SCN9A: variants seen among roughly 807,000 people sequenced by gnomAD.
SCN9A encodes sodium voltage-gated channel alpha subunit 9.
A neutral mutation model predicts 187.0 loss-of-function variants in SCN9A; 131 were observed. The observed-to-expected ratio is 0.70, with a 90% CI of 0.61 to 0.81. The LOEUF (loss-of-function observed/expected upper bound fraction) is 0.81, where lower values mean the gene tolerates loss of function less well. Among genes scored for constraint, SCN9A ranks in the 30% least tolerant of loss-of-function variants. The pLI is 0.00. For synonymous variants in SCN9A, 809 were observed against 808.6 expected, an observed-to-expected ratio of 1.00 and a Z score of -0.01; for missense variants, 2,252 against 2,396.6, an observed-to-expected ratio of 0.94 and a Z score of 1.26.
In SCN9A at chr2:166,198,904, A is replaced by G; in HGVS notation, c.5735T>C (p.Ile1912Thr). The G allele has an allele frequency of 6.2e-7, 1 of 1,613,760 alleles. No homozygotes were observed. The highest frequency in any genetic ancestry group is 8.5e-7 in the Non-Finnish European group (1 of 1,179,718). The change falls in exon 27 of 27, where the codon ATA becomes ACA. Residue 1912 changes from isoleucine (I) to threonine (T), a missense_variant. By Grantham distance (89) the Ile-to-Thr change is moderately conservative. Coordinates refer to ENST00000642356, the MANE Select transcript of SCN9A (RefSeq NM_001365536.1). ...TCCATCTTTTATGTATATACTTGAT[A>G]TATTTTTGACATTTTGCCTTAAGCG... The part of the protein sequence containing the change: ...RYRLRQNVKN[I>T]SSIYIKDGDR...
At chr2:166,262,924 A>T (rs1451699000) in intron 17 of SCN9A, among the ~76,000 whole-genome samples, 10 of 151,918 alleles carry the variant, frequency 6.6e-5, no homozygotes, top group Admixed American at 6.6e-4. Flanking sequence ...CATGAAGTAG[A>T]TGCTCTAAGG....
rs200433685 is a variant in SCN9A, at chr2:166,243,258, CT to C, written c.3473-603del. Among the ~76,000 whole-genome samples, 985 of 152,128 alleles carry C rather than the reference CT, an allele frequency of 6.5e-3. 6 individuals carry two copies. Among genetic ancestry groups the C allele is most frequent in the Non-Finnish European group, 0.01 (711 of 67,980 alleles). ...CTGCTACAAAAAATTGAAAATTGTA[CT>C]TAAAAATGGTTAGGTTTATTCATTC... On this transcript the variant is annotated intron_variant, in intron 18 of 26. Transcript: ENST00000642356.
At chr2:166,207,876 A>G (rs1324095229) in intron 24 of SCN9A, among the ~76,000 whole-genome samples, 1 of 152,198 alleles carries the variant, frequency 6.6e-6, no homozygotes, top group African/African-American at 2.4e-5. Context: ...CAGATCCTTT[A>G]CTGTTCATTA....
chr2:166,276,573 G>C (rs1389420348), intron 16 of SCN9A: 1 of 154,504 alleles, frequency 6.5e-6, no homozygotes. Context: ...CCTTGCTATA[G>C]AGGCTAGTCT....
At chr2:166,200,171 G>T (rs1693436466) in intron 26 of SCN9A, among the ~76,000 whole-genome samples, 2 of 148,112 alleles carry the variant, frequency 1.4e-5, no homozygotes, top group African/African-American at 2.5e-5. Context: ...CTAATTTTTT[G>T]TATTTTTAGT....
chr2:166,209,433 GA>G (rs1182026212), intron 24 of SCN9A, among the ~76,000 whole-genome samples: 4 of 152,086 alleles, frequency 2.6e-5, no homozygotes, highest in Non-Finnish European at 5.9e-5. Flanking sequence ...ACAAAATCAG[GA>G]AGATGATACA....
chr2:166,268,608 CA>C, intron 17 of SCN9A, among the ~76,000 whole-genome samples: 1 of 151,790 alleles, frequency 6.6e-6, no homozygotes, highest in Non-Finnish European at 1.5e-5. Context: ...GAAAACAAAA[CA>C]AAACAAAAAT....
chr2:166,327,938 CTG>C (rs1699405064), intron 1 of SCN9A, among the ~76,000 whole-genome samples: 1 of 152,166 alleles, frequency 6.6e-6, no homozygotes, highest in African/African-American at 2.4e-5. Flanking sequence ...GTACACTCAT[CTG>C]TGTCACAATT....
At chr2:166,353,773 C>A (rs1375254493) in intron 1 of SCN9A, among the ~76,000 whole-genome samples, 3 of 152,236 alleles carry the variant, frequency 2.0e-5, no homozygotes, top group East Asian at 3.9e-4. Flanking sequence ...CCCCTAAATG[C>A]GGATTTTTAT....
chr2:166,285,630 T>C (rs6722507), intron 11 of SCN9A, among the ~76,000 whole-genome samples: 61,469 of 151,706 alleles, frequency 0.41, 12,612 homozygotes, highest in African/African-American at 0.47. Flanking sequence ...TTACTGTGTA[T>C]ATCAGGAGAA....
intron 24 of SCN9A, among the ~76,000 whole-genome samples, chr2:166,220,293 C>G (rs980548705): frequency 2.6e-5 from 4 of 152,156 alleles, no homozygotes; most frequent in Non-Finnish European, 5.9e-5. Flanking sequence ...GGTTTGTCCC[C>G]TCCAAAGCTC....
chr2:166,296,238 T>G (rs1324840584), intron 7 of SCN9A: 1 of 134,334 alleles, frequency 7.4e-6, no homozygotes, highest in Non-Finnish European at 1.7e-5. Context: ...GGATATTGCA[T>G]GTAAACCACT....
chr2:166,222,972 A>AAAAAAAAAAAAAAAAAAAAAAC (rs1694683935), intron 24 of SCN9A, among the ~76,000 whole-genome samples: 1 of 133,344 alleles, frequency 7.5e-6, no homozygotes, highest in Non-Finnish European at 1.6e-5. Flanking sequence ...AAAAAAAAAA[A>AAAAAAAAAAAAAAAAAAAAAAC]CAGCAACAAA....
intron 9 of SCN9A, among the ~76,000 whole-genome samples, chr2:166,289,578 T>C (rs902750545): frequency 6.6e-6 from 1 of 152,194 alleles, no homozygotes; most frequent in Non-Finnish European, 1.5e-5. Context: ...TTATCCAGTC[T>C]ATCATTGATG....
At chr2:166,297,145 C>G (rs978223332) in intron 7 of SCN9A, among the ~76,000 whole-genome samples, 3 of 125,802 alleles carry the variant, frequency 2.4e-5, no homozygotes, top group Admixed American at 1.1e-4. Flanking sequence ...TACAGTGAGC[C>G]GAGATAGCGA....
At chr2:166,292,145 T>C (rs1362371588) in intron 9 of SCN9A, among the ~76,000 whole-genome samples, 1 of 152,092 alleles carries the variant, frequency 6.6e-6, no homozygotes, top group Non-Finnish European at 1.5e-5. Flanking sequence ...AACTATAGAA[T>C]GGGAGAAAAA....
chr2:166,256,642 A>T (rs1242105196), intron 17 of SCN9A, among the ~76,000 whole-genome samples: 1 of 151,138 alleles, frequency 6.6e-6, no homozygotes, highest in African/African-American at 2.4e-5. Context: ...AAGAAAACCA[A>T]TTTTTTTTCC....
intron 17 of SCN9A, 39 bp downstream of exon 17, chr2:166,272,360 T>C (rs760629448): frequency 2.1e-5 from 26 of 1,214,790 alleles, no homozygotes; most frequent in Middle Eastern, 2.0e-4. Flanking sequence ...TTCATACTAA[T>C]TGTTAATATG....
intron 7 of SCN9A, among the ~76,000 whole-genome samples, chr2:166,295,188 G>T (rs900646240): frequency 2.0e-5 from 3 of 152,184 alleles, no homozygotes; most frequent in African/African-American, 7.2e-5. Flanking sequence ...GTTGGTGTGT[G>T]GAAAAGCCAG....
Sources: allele counts gnomAD v4.1 joint callset (sites outside exome capture counted in the v4.1 genomes callset), GRCh38; gene constraint gnomAD v4.1.1; transcripts MANE v1.5; gene names NCBI Gene and HGNC (gene_info 2026-07-23, HGNC 2026-07-21).